Variants in CSMD1 observed in about 807,000 individuals in gnomAD.
The protein encoded by CSMD1 is CUB and Sushi multiple domains 1.
In CSMD1, 213 loss-of-function variants were observed where a neutral mutation model predicts 417.5. That is an observed-to-expected ratio of 0.51 (90% CI 0.46 to 0.57). The LOEUF (loss-of-function observed/expected upper bound fraction) is 0.57, where lower values mean the gene tolerates loss of function less well. Among genes scored for constraint, CSMD1 ranks in the 20% least tolerant of loss-of-function variants. The probability of loss-of-function intolerance (pLI) is 0.00; values close to 1 mark genes in which losing one functional copy is unlikely to be tolerated. For missense variants in CSMD1, 6,923 were observed against 4,529.7 expected, an observed-to-expected ratio of 1.53 and a Z score of -15.17; for synonymous variants, 2,862 against 1,736.8, an observed-to-expected ratio of 1.65 and a Z score of -16.11.
chr8:4,418,392 A>G (rs898897860), intron 3 of CSMD1, among the ~76,000 whole-genome samples: 3 of 152,124 alleles, frequency 2.0e-5, no homozygotes, highest in Non-Finnish European at 2.9e-5. Context: ...GTAAACCCAG[A>G]AATAGCCCAG....
intron 5 of CSMD1, among the ~76,000 whole-genome samples, chr8:3,768,829 G>C (rs921261526): frequency 5.3e-5 from 8 of 152,170 alleles, no homozygotes; most frequent in Non-Finnish European, 7.3e-5. Context: ...TACTTCCTTG[G>C]TGGATAGTCT....
At position 4,994,671 on chromosome 8, in the gene CSMD1, G is replaced by A; in HGVS notation, c.-255C>T. On this transcript the variant is annotated 5_prime_UTR_variant, in exon 1 of 70. Transcript: ENST00000635120. ...CCCGGGCTGGCGGGGCCGGGGCCGG[G>A]GACGAGCGCCGGCCGAGCCGGGCAG... 7.0e-6 allele frequency: 3 copies of A among 426,396 alleles called. No homozygotes were observed. The highest frequency in any genetic ancestry group is 1.3e-5 in the Non-Finnish European group (3 of 239,330). 26.4% of individuals were successfully genotyped at this position (426,396 alleles called of 1,614,324 possible).
At chr8:4,607,379 G>A (rs1288109007) in intron 2 of CSMD1, among the ~76,000 whole-genome samples, 2 of 152,148 alleles carry the variant, frequency 1.3e-5, no homozygotes, top group Non-Finnish European at 2.9e-5. Context: ...ATAATACGGA[G>A]TAGTTGCTGG....
At chr8:4,280,595 A>C (rs1271057514) in intron 3 of CSMD1, among the ~76,000 whole-genome samples, 4 of 152,202 alleles carry the variant, frequency 2.6e-5, no homozygotes, top group African/African-American at 9.6e-5. Flanking sequence ...AAAAATGGGT[A>C]CTGTTTGAAG....
At position 4,289,666 on chromosome 8, in the gene CSMD1, A is replaced by G. The variant is rs371191664; in HGVS notation, c.415+130287T>C. On this transcript the variant is annotated intron_variant, in intron 3 of 69. Transcript: ENST00000635120. ...GCAGCTGTCCATGGTCCTGAGTAAC[A>G]TGTGCTCAAGACATGAGCAAAACTT... is the stretch of plus-strand genomic sequence containing the variant. 8.5e-5 allele frequency among the ~76,000 whole-genome samples: 13 copies of G among 152,286 alleles called. No homozygotes were observed. The South Asian group carries it at 2.7e-3, about 32-fold the overall frequency.
At chr8:2,950,439 TATC>T (rs775049133) in intron 66 of CSMD1, 96 bp from the exon 67 acceptor site, 2 of 728,802 alleles carry the variant, frequency 2.7e-6, no homozygotes, top group Non-Finnish European at 4.9e-6. Flanking sequence ...GAGATGATAA[TATC>T]ATCGATAATA....
intron 46 of CSMD1, among the ~76,000 whole-genome samples, chr8:3,103,749 T>TAA (rs71199536): frequency 0.12 from 17,619 of 150,540 alleles, 1,349 homozygotes; most frequent in Non-Finnish European, 0.17. Context: ...CTTTTTTTTT[T>TAA]AAAAAAAAAA....
intron 4 of CSMD1, among the ~76,000 whole-genome samples, chr8:4,003,176 G>A (rs1178446208): frequency 6.6e-6 from 1 of 152,064 alleles, no homozygotes; most frequent in South Asian, 2.1e-4. Flanking sequence ...GGTGGATCAC[G>A]AGGTCAGGAG....
At chr8:4,533,554 T>G (rs1315026629) in intron 2 of CSMD1, among the ~76,000 whole-genome samples, 1 of 152,162 alleles carries the variant, frequency 6.6e-6, no homozygotes, top group African/African-American at 2.4e-5. Context: ...CTTGGGAATT[T>G]TTTTTTCAGT....
chr8:3,538,699 T>A (rs888419055), intron 10 of CSMD1, among the ~76,000 whole-genome samples: 4 of 152,224 alleles, frequency 2.6e-5, no homozygotes, highest in African/African-American at 9.6e-5. Flanking sequence ...TGGCCTGCCA[T>A]CTTTGATTGC....
chr8:3,698,254 T>A (rs545699489), intron 7 of CSMD1, among the ~76,000 whole-genome samples: 1 of 152,346 alleles, frequency 6.6e-6, no homozygotes, highest in East Asian at 1.9e-4. Context: ...AAGCATAATT[T>A]ACTTACCTGA....
chr8:4,356,369 T>C (rs566853595), intron 3 of CSMD1, among the ~76,000 whole-genome samples: 2 of 152,194 alleles, frequency 1.3e-5, no homozygotes, highest in Admixed American at 6.5e-5. Flanking sequence ...TATCCACTTG[T>C]TGATTTATGG....
intron 52 of CSMD1, among the ~76,000 whole-genome samples, chr8:3,007,533 G>A (rs370205913): frequency 1.1e-4 from 17 of 151,602 alleles, no homozygotes; most frequent in African/African-American, 2.0e-4. Flanking sequence ...AATGTCCAAC[G>A]ATGATAGACT....
At chr8:3,566,855 TG>T (rs1217090895) in intron 10 of CSMD1, among the ~76,000 whole-genome samples, 3 of 152,172 alleles carry the variant, frequency 2.0e-5, no homozygotes, top group Admixed American at 6.5e-5. Flanking sequence ...TTAACCTTTG[TG>T]GAAGGCAGCG....
Position 3,401,556 on chromosome 8 carries a change from T to G in CSMD1, c.2267-2027A>C, listed in dbSNP as rs529135126. Among the ~76,000 whole-genome samples the G allele has an allele frequency of 7.6e-4, 116 of 152,302 alleles. 1 individual carries two copies. Among genetic ancestry groups the G allele is most frequent in the Non-Finnish European group, 1.3e-3 (86 of 68,034 alleles). On this transcript the variant is annotated intron_variant, in intron 15 of 69. Coordinates refer to ENST00000635120, the MANE Select transcript of CSMD1 (RefSeq NM_033225.6). ...GTAAGTAAATAGTAAGTAATAAGTT[T>G]GTATTAGTCAGTTTGGATTAGATTA...
chr8:3,990,892 T>G (rs13249983), intron 5 of CSMD1, among the ~76,000 whole-genome samples: 38,812 of 151,936 alleles, frequency 0.26, 5,415 homozygotes, highest in South Asian at 0.38. Context: ...CTCCTGGAGG[T>G]CCATTCTGAC....
At chr8:3,118,317 A>G in intron 42 of CSMD1, 82 bp downstream of exon 42, 1 of 940,720 alleles carries the variant, frequency 1.1e-6, no homozygotes, top group Non-Finnish European at 1.6e-6. Flanking sequence ...TTAATAAATT[A>G]CTGGATATGT....
intron 3 of CSMD1, among the ~76,000 whole-genome samples, chr8:4,064,120 G>A (rs752896297): frequency 2.0e-5 from 3 of 152,148 alleles, no homozygotes; most frequent in Admixed American, 1.3e-4. Flanking sequence ...AAGGGTCCTA[G>A]AAAATTGTTT....
chr8:3,434,964 A>G (rs1239029369), intron 12 of CSMD1, among the ~76,000 whole-genome samples: 3 of 152,112 alleles, frequency 2.0e-5, no homozygotes, highest in African/African-American at 7.2e-5. Flanking sequence ...TTCACAGTGG[A>G]TCCATTTATC....
Sources: allele counts gnomAD v4.1 joint callset (sites outside exome capture counted in the v4.1 genomes callset), GRCh38; gene constraint gnomAD v4.1.1; transcripts MANE v1.5; gene names NCBI Gene and HGNC (gene_info 2026-07-23, HGNC 2026-07-21).